Variants in ASCC2 observed in about 807,000 individuals in gnomAD.
ASCC2 encodes the protein activating signal cointegrator 1 complex subunit 2, also known as ASC-1 complex subunit P100.
ASCC2 carries 42 observed loss-of-function variants against 93.5 expected under a neutral mutation model. That is an observed-to-expected ratio of 0.45 (90% CI 0.35 to 0.58). The LOEUF is 0.58. Among genes scored for constraint, ASCC2 ranks in the 20% least tolerant of loss-of-function variants. ASCC2 has a pLI of 0.00. For synonymous variants in ASCC2, 364 were observed against 384.2 expected (o/e 0.95, Z 0.62); for missense variants, 859 against 977.6 (o/e 0.88, Z 1.62).
At position 29,789,049 on chromosome 22, in the gene ASCC2, G is replaced by A. The variant is rs372345494; in HGVS notation, c.2238C>T (p.Ala746=). 5.5e-5 allele frequency: 89 copies of A among 1,614,026 alleles called. No individual in the cohort carries two copies. Among genetic ancestry groups the A allele is most frequent in the Non-Finnish European group, 6.9e-5 (81 of 1,180,026 alleles). Residue 746 remains alanine (A), a synonymous_variant, in exon 20 of 20, where the codon GCC becomes GCT. Coordinates refer to ENST00000307790, the MANE Select transcript of ASCC2 (RefSeq NM_032204.5). ...TCATGCCTTTGCTCCTCTTGCGGTCGGCCATGGTTCTCCGGTTGTGGTTGG... is the reference window on the plus strand; with the variant it reads ...TCATGCCTTTGCTCCTCTTGCGGTCAGCCATGGTTCTCCGGTTGTGGTTGG... ...TRANHNRRTM[A]DRKRSKGMIP...
At chr22:29,797,970 T>C (rs1476049437) in intron 15 of ASCC2, among the ~76,000 whole-genome samples, 1 of 152,148 alleles carries the variant, frequency 6.6e-6, no homozygotes, top group Non-Finnish European at 1.5e-5. Flanking sequence ...TTTCACCATG[T>C]TGGCCAGGTT....
At chr22:29,798,383 G>A (rs895553258) in intron 15 of ASCC2, among the ~76,000 whole-genome samples, 2 of 152,142 alleles carry the variant, frequency 1.3e-5, no homozygotes, top group East Asian at 1.9e-4. Context: ...GACACAGGAA[G>A]ACCTGGTCTG....
chr22:29,816,276 G>A (rs1000278670), intron 5 of ASCC2, among the ~76,000 whole-genome samples: 2 of 152,144 alleles, frequency 1.3e-5, no homozygotes, highest in East Asian at 1.9e-4. Flanking sequence ...TCCCCAGGGT[G>A]GGGGAGGGAC....
Position 29,814,692 on chromosome 22 carries a change from TCTC to T in ASCC2, c.682_684del (p.Glu228del). ...ATGTCACTGGGGGTCAATCGGCCCC[TCTC>T]CTCAAGCTTCTGGGGTGTGGTATTG... On this transcript the variant is annotated inframe_deletion, in exon 7 of 20. Coordinates refer to ENST00000307790, the MANE Select transcript of ASCC2 (RefSeq NM_032204.5). 6.2e-7 allele frequency: 1 copy of T among 1,605,862 alleles called. No homozygotes were observed. The highest frequency in any genetic ancestry group is 8.5e-7 in the Non-Finnish European group (1 of 1,176,808).
At position 29,804,822 on chromosome 22, in the gene ASCC2, G is replaced by A. The variant is rs749918340; in HGVS notation, c.1169C>T (p.Thr390Met). 1.4e-5 allele frequency: 22 copies of A among 1,613,250 alleles called. No individual in the cohort carries two copies. In the South Asian group the frequency reaches 2.2e-4, roughly 16 times the overall value. ...LQQASSVLDE[T>M]RTAYILQAVE... ...TGCCTGGAGGATGTAGGCAGTCCGC[G>A]TCTCGTCCCTGTGAGGACTTGTTAA... The change falls in exon 13 of 20, where the codon ACG (threonine) becomes ATG (methionine). Residue 390 changes from threonine (T) to methionine (M), a missense_variant. Physicochemically the swap from Thr to Met is moderately conservative, Grantham distance 81 (BLOSUM62 -1). Coordinates refer to ENST00000307790, the MANE Select transcript of ASCC2 (RefSeq NM_032204.5).
chr22:29,814,663 A>C lies in ASCC2; in HGVS notation c.714T>G (p.Pro238=), dbSNP rs777237495. Residue 238 remains proline, a synonymous_variant, in exon 7 of 20, where the codon CCT becomes CCG. Coordinates refer to ENST00000307790, the MANE Select transcript of ASCC2 (RefSeq NM_032204.5). The part of the protein sequence containing the change: ...ERGRLTPSDM[P]LLELKDIVLY... The stretch of plus-strand genomic sequence containing the variant: ...GGCCGAAGGGCAACCTTACCAGGAG[A>C]GGCATGTCACTGGGGGTCAATCGGC... 2.5e-6 allele frequency: 4 copies of C among 1,597,316 alleles called. No individual in the cohort carries two copies. The highest frequency in any genetic ancestry group is 3.4e-6 in the Non-Finnish European group (4 of 1,173,568).
intron 14 of ASCC2, among the ~76,000 whole-genome samples, chr22:29,801,546 G>A (rs767057724): frequency 9.2e-5 from 14 of 152,146 alleles, no homozygotes; most frequent in East Asian, 1.9e-4. Flanking sequence ...ACACCCTTTC[G>A]GGCACTGGTT....
At chr22:29,793,533 C>G in intron 16 of ASCC2, 43 bp from the exon 17 acceptor site, 3 of 1,613,760 alleles carry the variant, frequency 1.9e-6, no homozygotes, top group Non-Finnish European at 2.5e-6. Flanking sequence ...CAGGGGCTGG[C>G]CTGGTTTCCC....
At chr22:29,794,954 CTTTT>C (rs57206077) in intron 15 of ASCC2, among the ~76,000 whole-genome samples, 1 of 141,908 alleles carries the variant, frequency 7.0e-6, no homozygotes. Context: ...TTGTCTAAAT[CTTTT>C]TTTTTTTTTT....
At chr22:29,826,806 T>A (rs1015230169) in intron 2 of ASCC2, among the ~76,000 whole-genome samples, 4 of 151,910 alleles carry the variant, frequency 2.6e-5, no homozygotes, top group Non-Finnish European at 4.4e-5. Flanking sequence ...CATTAAATTA[T>A]ACCCATAAAG....
At chr22:29,830,124 C>T (rs549077235) in intron 2 of ASCC2, among the ~76,000 whole-genome samples, 13 of 152,248 alleles carry the variant, frequency 8.5e-5, no homozygotes, top group Non-Finnish European at 1.6e-4. Flanking sequence ...TTTAGTGCTG[C>T]TGTTGTTGTC....
chr22:29,833,793 G>A (rs1224236498), intron 1 of ASCC2, among the ~76,000 whole-genome samples: 1 of 152,000 alleles, frequency 6.6e-6, no homozygotes, highest in Admixed American at 6.6e-5. Context: ...AGGAGCATGG[G>A]GGACATGAGC....
chr22:29,832,647 G>A (rs2063302306), intron 1 of ASCC2: 1 of 202,146 alleles, frequency 4.9e-6, no homozygotes, highest in South Asian at 8.2e-5. Context: ...GTGCAGTGGC[G>A]CTATCTCAGC....
At chr22:29,817,168 AGCCCGCACTT>A (rs2060957153) in intron 5 of ASCC2, among the ~76,000 whole-genome samples, 1 of 152,158 alleles carries the variant, frequency 6.6e-6, no homozygotes, top group Non-Finnish European at 1.5e-5. Context: ...GAGTTTTACC[AGCCCGCACTT>A]GCTCAGCACC....
intron 9 of ASCC2, 70 bp from the exon 10 acceptor site, chr22:29,806,974 T>C (rs1182758790): frequency 8.2e-7 from 1 of 1,213,482 alleles, no homozygotes; most frequent in Non-Finnish European, 1.2e-6. Flanking sequence ...TGCAGTGGTT[T>C]ACACCTGAAA....
At chr22:29,789,813 C>T (rs543203009) in intron 19 of ASCC2, among the ~76,000 whole-genome samples, 20 of 152,312 alleles carry the variant, frequency 1.3e-4, no homozygotes, top group African/African-American at 3.1e-4. Flanking sequence ...AGCCTAGGGC[C>T]GGGATGCGGG....
Position 29,827,948 on chromosome 22 carries a change from G to GAC in ASCC2, c.82-2170_82-2169dup, listed in dbSNP as rs5844874. Among the ~76,000 whole-genome samples, 300 of 74,402 alleles carry GAC rather than the reference G, an allele frequency of 4.0e-3. 52 individuals are homozygous for GAC. The highest frequency in any genetic ancestry group is 9.4e-3 in the African/African-American group (170 of 18,042). 48.8% of individuals were successfully genotyped at this position (74,402 alleles called of 152,430 possible). ...CACACACCAGGCTACTCATTCTTCTGACACACACACACACACACACACACA... is the reference window on the plus strand; with the variant it reads ...CACACACCAGGCTACTCATTCTTCTGACACACACACACACACACACACACACA... On this transcript the variant is annotated intron_variant, in intron 2 of 19. Transcript: ENST00000307790.
intron 10 of ASCC2, 69 bp from the exon 11 acceptor site, chr22:29,806,622 G>A (rs965585539): frequency 4.6e-6 from 7 of 1,512,416 alleles, no homozygotes; most frequent in Admixed American, 1.8e-5. Flanking sequence ...TTACACACCC[G>A]CTGCCCCTCT....
Position 29,789,095 on chromosome 22 carries a change from TC to T in ASCC2, c.2191del (p.Glu731LysfsTer24). The T allele has an allele frequency of 6.2e-7, 1 of 1,614,178 alleles. No homozygotes were observed. The highest frequency in any genetic ancestry group is 8.5e-7 in the Non-Finnish European group (1 of 1,180,022). ...GTTGGCTCTTGTCGCCTTGTTGGCT[TC>T]CTTCTTCCTGCGTTCCTGGGTTGTC... The part of the protein sequence containing the change: ...RETTQERRKK[E>X]ANKATRANHN... On this transcript the variant is annotated frameshift_variant, in exon 20 of 20. Coordinates refer to ENST00000307790, the MANE Select transcript of ASCC2 (RefSeq NM_032204.5). LOFTEE classifies it high-confidence loss of function.
Sources: gnomAD v4.1 joint callset for allele counts (sites outside exome capture counted in the v4.1 genomes callset) on GRCh38, gnomAD v4.1.1 for gene constraint, MANE v1.5 for transcripts, NCBI Gene and HGNC (gene_info 2026-07-23, HGNC 2026-07-21) for gene names.